Variants in SLC25A48 observed in about 807,000 individuals in gnomAD.
SLC25A48 encodes solute carrier family 25 member 48.
SLC25A48 carries 29 observed loss-of-function variants against 32.2 expected under a neutral mutation model. The ratio of observed to expected loss-of-function variants is 0.90; its 90% CI spans 0.67 to 1.23. The LOEUF (loss-of-function observed/expected upper bound fraction) is 1.23, where lower values mean the gene tolerates loss of function less well. Among genes scored for constraint, SLC25A48 ranks in the 50% most tolerant of loss-of-function variants. SLC25A48 has a pLI of 0.00. For missense variants in SLC25A48, 399 were observed against 422.7 expected (o/e 0.94, Z 0.49); for synonymous variants, 164 against 172.3 (o/e 0.95, Z 0.38).
intron 1 of SLC25A48, among the ~76,000 whole-genome samples, chr5:135,595,802 C>T (rs1440827343): frequency 6.6e-6 from 1 of 152,238 alleles, no homozygotes; most frequent in Non-Finnish European, 1.5e-5. Flanking sequence ...GTGACTGGCA[C>T]ATAGTACATG....
chr5:135,601,756 G>C (rs867493084), intron 1 of SLC25A48, among the ~76,000 whole-genome samples: 15 of 152,198 alleles, frequency 9.9e-5, no homozygotes, highest in Non-Finnish European at 1.3e-4. Flanking sequence ...CAAAGCGAAG[G>C]CCTGGCTGAG....
At chr5:135,768,545 G>A (rs913476993) in intron 3 of SLC25A48, among the ~76,000 whole-genome samples, 6 of 151,212 alleles carry the variant, frequency 4.0e-5, no homozygotes, top group African/African-American at 1.5e-4. Flanking sequence ...AATATCGCAG[G>A]GGGTATACAC....
chr5:135,836,341 C>T (rs1758504671), intron 1 of SLC25A48, among the ~76,000 whole-genome samples: 1 of 136,224 alleles, frequency 7.3e-6, no homozygotes, highest in Admixed American at 7.8e-5. Context: ...TACTTTTGCA[C>T]CAAACTAATA....
intron 3 of SLC25A48, among the ~76,000 whole-genome samples, chr5:135,780,808 A>G (rs1423112630): frequency 8.7e-6 from 1 of 114,646 alleles, no homozygotes; most frequent in African/African-American, 2.7e-5. Context: ...AGAGGATGAT[A>G]TTACTCCCAA....
chr5:135,753,020 G>A (rs762547618), intron 3 of SLC25A48, among the ~76,000 whole-genome samples: 5 of 152,050 alleles, frequency 3.3e-5, no homozygotes, highest in Non-Finnish European at 7.4e-5. Flanking sequence ...TACCAGTAAT[G>A]TCTTGAGGAT....
At position 135,730,801 on chromosome 5, in the gene SLC25A48, G is replaced by A. The variant is rs370004830; in HGVS notation, c.-520-81722G>A. Among the ~76,000 whole-genome samples the A allele has an allele frequency of 3.9e-5, 6 of 152,334 alleles. No homozygotes were observed. The East Asian group carries it at 1.2e-3, about 29-fold the overall frequency. ...GGCTGAGGTGGTCTTAGATGGAGAT[G>A]AGGAACTTGTTGGGTACTGGAGCAA... On this transcript the variant is annotated intron_variant, in intron 3 of 10. Transcript: ENST00000646290.
intron 3 of SLC25A48, 85 bp downstream of exon 3, chr5:135,850,581 C>A: frequency 7.8e-7 from 1 of 1,274,552 alleles, no homozygotes; most frequent in Non-Finnish European, 1.1e-6. Flanking sequence ...CACCAGCATG[C>A]AGGTGGGGGC....
upstream of SLC25A48, among the ~76,000 whole-genome samples, chr5:135,832,918 AG>A (rs1191954514): frequency 6.6e-6 from 1 of 152,194 alleles, no homozygotes; most frequent in African/African-American, 2.4e-5. Flanking sequence ...TGTAATGGCC[AG>A]TAGCTGCCCT....
At chr5:135,639,968 C>G (rs111610542) in intron 3 of SLC25A48, among the ~76,000 whole-genome samples, 33 of 152,066 alleles carry the variant, frequency 2.2e-4, no homozygotes, top group Non-Finnish European at 3.2e-4. Context: ...AACCATAAGG[C>G]AACCCAGATG....
intron 2 of SLC25A48, among the ~76,000 whole-genome samples, chr5:135,849,876 A>T (rs6870487): frequency 6.6e-6 from 1 of 151,190 alleles, no homozygotes; most frequent in Admixed American, 6.6e-5. Flanking sequence ...CTCAGGGAGA[A>T]TGCAGAATTT....
intron 3 of SLC25A48, among the ~76,000 whole-genome samples, chr5:135,779,755 C>T (rs114545132): frequency 0.018 from 2,094 of 117,434 alleles, 342 homozygotes; most frequent in African/African-American, 0.05. Flanking sequence ...TCTACACCCC[C>T]TTTGTAATAC....
chr5:135,809,437 T>C (rs550948077), intron 3 of SLC25A48, among the ~76,000 whole-genome samples: 12 of 152,212 alleles, frequency 7.9e-5, no homozygotes, highest in East Asian at 5.8e-4. Context: ...AAAATAGACA[T>C]GATCTCTGCC....
At chr5:135,818,069 C>G in intron 4 of SLC25A48, among the ~76,000 whole-genome samples, 1 of 26,902 alleles carries the variant, frequency 3.7e-5, no homozygotes, top group East Asian at 1.1e-3. Context: ...CTCTCTCTCT[C>G]TCTCTCTCTC....
rs1374095166 is a variant in SLC25A48, at chr5:135,782,423, G to A, written c.-520-30100G>A. Among the ~76,000 whole-genome samples the A allele has an allele frequency of 1.7e-5, 2 of 117,174 alleles. 1 individual carries two copies. The highest frequency in any genetic ancestry group is 4.2e-5 in the Non-Finnish European group (2 of 47,522). The allele number at this position is 117,174 out of a possible 152,430, so 76.9% of individuals were successfully genotyped here. A position where few individuals can be genotyped will look rare whatever the true frequency, so the allele number is the denominator to read the frequency against. On this transcript the variant is annotated intron_variant, in intron 3 of 10. Coordinates refer to the SLC25A48 transcript ENST00000646290. ...CCCAATACCGCAGCAGGTGCACATC[G>A]CTTCTGTGATATTGTTTCAGATATC... is the stretch of plus-strand genomic sequence containing the variant.
intron 1 of SLC25A48, among the ~76,000 whole-genome samples, chr5:135,589,001 C>G (rs1204413090): frequency 6.6e-6 from 1 of 152,192 alleles, no homozygotes; most frequent in African/African-American, 2.4e-5. Flanking sequence ...AGTACAGCAT[C>G]ACTGAAGAGA....
intron 3 of SLC25A48, among the ~76,000 whole-genome samples, chr5:135,788,578 G>A (rs1756919443): frequency 6.6e-6 from 1 of 150,970 alleles, no homozygotes; most frequent in Non-Finnish European, 1.5e-5. Context: ...TGTGGAGGGT[G>A]GTGTACACAC....
intron 3 of SLC25A48, among the ~76,000 whole-genome samples, chr5:135,778,139 A>G (rs1455208144): frequency 1.3e-5 from 2 of 151,868 alleles, no homozygotes; most frequent in South Asian, 2.1e-4. Context: ...GGGGGTGTAC[A>G]TGCGCCCCGT....
At chr5:135,748,140 T>C (rs1755684060) in intron 3 of SLC25A48, among the ~76,000 whole-genome samples, 1 of 152,184 alleles carries the variant, frequency 6.6e-6, no homozygotes, top group African/African-American at 2.4e-5. Flanking sequence ...ACTATTGTCA[T>C]TTCCATCTTA....
At chr5:135,655,937 T>G (rs1753235595) in intron 3 of SLC25A48, among the ~76,000 whole-genome samples, 1 of 152,178 alleles carries the variant, frequency 6.6e-6, no homozygotes, top group Admixed American at 6.5e-5. Context: ...TTCTCCAGGT[T>G]CATCATTATT....
Sources: gnomAD v4.1 joint callset for allele counts (sites outside exome capture counted in the v4.1 genomes callset) on GRCh38, gnomAD v4.1.1 for gene constraint, MANE v1.5 for transcripts, NCBI Gene and HGNC (gene_info 2026-07-23, HGNC 2026-07-21) for gene names.